The following NDUFS6 variants were observed in gnomAD, a reference collection of about 807,000 sequenced individuals.
The protein encoded by NDUFS6 is NADH dehydrogenase [ubiquinone] iron-sulfur protein 6, mitochondrial.
Under a neutral mutation model 13.2 loss-of-function variants are expected in NDUFS6, and 14 were observed. The observed-to-expected ratio is 1.06, with a 90% CI of 0.70 to 1.66. The LOEUF is 1.66. Among genes scored for constraint, NDUFS6 ranks in the 40% most tolerant of loss-of-function variants. The pLI, the probability that NDUFS6 is intolerant of heterozygous loss-of-function variation, is 0.00. For missense variants in NDUFS6, 206 were observed against 170.8 expected (o/e 1.21, Z -1.15); for synonymous variants, 95 against 72.3 (o/e 1.31, Z -1.60).
chr5:1,814,194 A>G lies in NDUFS6; in HGVS notation c.187-145A>G. 8.2e-7 allele frequency: 1 copy of G among 1,216,612 alleles called. No individual in the cohort carries two copies. Among genetic ancestry groups the G allele is most frequent in the Non-Finnish European group, 1.2e-6 (1 of 837,576 alleles). The allele number at this position is 1,216,612 out of a possible 1,614,324, so 75.4% of individuals were successfully genotyped here. A position where few individuals can be genotyped will look rare whatever the true frequency, so the allele number is the denominator to read the frequency against. On this transcript the variant is annotated intron_variant, in intron 2 of 3. Coordinates refer to ENST00000274137, the MANE Select transcript of NDUFS6 (RefSeq NM_004553.6). The surrounding 1 kb of genome is among the most constrained non-coding windows in gnomAD (Gnocchi z 4.9). Reference sequence around the variant, plus strand: ...AGATGTGTGTGTAGGCCCTGAATTTAATAAGGTCTACAATGATAATAGTTA... The same window carrying G: ...AGATGTGTGTGTAGGCCCTGAATTTGATAAGGTCTACAATGATAATAGTTA...
intron 2 of NDUFS6, among the ~76,000 whole-genome samples, chr5:1,811,559 C>T (rs1173717443): frequency 6.6e-6 from 1 of 152,208 alleles, no homozygotes; most frequent in Non-Finnish European, 1.5e-5. Context: ...CTCTTTTAAT[C>T]TGTAGGTTCC....
At position 1,814,244 on chromosome 5, in the gene NDUFS6, T is replaced by C. The variant is rs1734266398; in HGVS notation, c.187-95T>C. 6.5e-7 allele frequency: 1 copy of C among 1,532,072 alleles called. No homozygotes were observed. 94.9% of individuals were successfully genotyped at this position (1,532,072 alleles called of 1,614,324 possible). On this transcript the variant is annotated intron_variant, in intron 2 of 3. Transcript: ENST00000274137. The surrounding 1 kb of genome is among the most constrained non-coding windows in gnomAD (Gnocchi z 4.9). ...AAATGAAGCATGCACCATAGATTCG[T>C]GCTGATGGTACATGAATTTGTGTGT...
chr5:1,811,503 C>T (rs773012709), intron 2 of NDUFS6, among the ~76,000 whole-genome samples: 3 of 152,138 alleles, frequency 2.0e-5, no homozygotes, highest in Non-Finnish European at 4.4e-5. Context: ...AGTGTGACTC[C>T]GAGCCCAGGT....
chr5:1,811,230 T>C (rs1344785304), intron 2 of NDUFS6, among the ~76,000 whole-genome samples: 1 of 152,196 alleles, frequency 6.6e-6, no homozygotes, highest in African/African-American at 2.4e-5. Flanking sequence ...ATGAGTAAAT[T>C]GTGGGGGAGT....
At chr5:1,810,008 G>A (rs1318329712) in intron 2 of NDUFS6, among the ~76,000 whole-genome samples, 1 of 152,256 alleles carries the variant, frequency 6.6e-6, no homozygotes, top group Non-Finnish European at 1.5e-5. Flanking sequence ...ATCTGTAACT[G>A]ACAGAACCTC....
At chr5:1,811,850 T>G (rs566678776) in intron 2 of NDUFS6, among the ~76,000 whole-genome samples, 1 of 152,240 alleles carries the variant, frequency 6.6e-6, no homozygotes, top group East Asian at 1.9e-4. Context: ...TAAGAGACTT[T>G]GATCATTGTC....
rs192040355 is a variant in NDUFS6, at chr5:1,805,473, A to G, written c.186+3099A>G. ...CTCCTGCCCAGCTTTGACCGGGGGTACCTTCAAAGGAATCCATGGCCCCTG... is the reference window on the plus strand; with the variant it reads ...CTCCTGCCCAGCTTTGACCGGGGGTGCCTTCAAAGGAATCCATGGCCCCTG... On this transcript the variant is annotated intron_variant, in intron 2 of 3. Transcript: ENST00000274137. Among the ~76,000 whole-genome samples the G allele has an allele frequency of 1.5e-3, 236 of 152,376 alleles. 2 individuals are homozygous for G. Among genetic ancestry groups the G allele is most frequent in the African/African-American group, 5.6e-3 (232 of 41,588 alleles).
chr5:1,814,289 A>C lies in NDUFS6; in HGVS notation c.187-50A>C. ...GTGTGTGGTGGGTTAAATTGTATGT[A>C]GTTAGCAAGTTTGTGTATTTGTTTA... On this transcript the variant is annotated intron_variant, in intron 2 of 3. Coordinates refer to ENST00000274137, the MANE Select transcript of NDUFS6 (RefSeq NM_004553.6). This position sits in a 1 kb window ranked among gnomAD's most constrained non-coding sequence, Gnocchi z 4.9. 1 of 1,612,358 alleles carries C rather than the reference A, an allele frequency of 6.2e-7. No homozygotes were observed. Among genetic ancestry groups the C allele is most frequent in the Non-Finnish European group, 8.5e-7 (1 of 1,178,606 alleles).
At chr5:1,810,722 C>T (rs1734205425) in intron 2 of NDUFS6, among the ~76,000 whole-genome samples, 1 of 152,142 alleles carries the variant, frequency 6.6e-6, no homozygotes, top group South Asian at 2.1e-4. Context: ...CTCAGCTCCT[C>T]TAATGGTTGT....
At chr5:1,812,732 A>G (rs1734237919) in intron 2 of NDUFS6, among the ~76,000 whole-genome samples, 1 of 151,492 alleles carries the variant, frequency 6.6e-6, no homozygotes, top group South Asian at 2.1e-4. Flanking sequence ...CCCTGAGTTA[A>G]TCATGGTCCT....
At chr5:1,804,898 A>G (rs188526904) in intron 2 of NDUFS6, among the ~76,000 whole-genome samples, 32 of 152,298 alleles carry the variant, frequency 2.1e-4, no homozygotes, top group African/African-American at 7.5e-4. Flanking sequence ...GTGTAATGAC[A>G]TGTATTCACT....
intron 3 of NDUFS6, among the ~76,000 whole-genome samples, chr5:1,815,566 C>T (rs537204909): frequency 5.3e-5 from 8 of 152,292 alleles, no homozygotes; most frequent in South Asian, 4.1e-4. Context: ...CAGCACCCAC[C>T]GCCTGCTCCA....
rs530874978 is a variant in NDUFS6 at position 1,806,509 on chromosome 5, C to T, written c.186+4135C>T. On this transcript the variant is annotated intron_variant, in intron 2 of 3. Coordinates refer to ENST00000274137, the MANE Select transcript of NDUFS6 (RefSeq NM_004553.6). ...GTGCCACCAGGATTAGGAGCAGTTG[C>T]ACGCGGTGCAAATGTCTACCTGGCG... 3.3e-5 allele frequency among the ~76,000 whole-genome samples: 5 copies of T among 152,336 alleles called. No individual in the cohort carries two copies. In the South Asian group the frequency reaches 1.0e-3, roughly 32 times the overall value.
At chr5:1,806,200 G>A (rs572624399) in intron 2 of NDUFS6, among the ~76,000 whole-genome samples, 1 of 152,230 alleles carries the variant, frequency 6.6e-6, no homozygotes, top group Non-Finnish European at 1.5e-5. Context: ...CCTTGAGTGC[G>A]ACTCTGTGCC....
Position 1,814,543 on chromosome 5 carries a change from C to T in NDUFS6, c.309+82C>T, listed in dbSNP as rs1734273439. ...CCTTCACTCCCAGTGCCTGTTCTTTCTGTCCTCTTCTCTACCTGCTCCCGA... is the reference window on the plus strand; with the variant it reads ...CCTTCACTCCCAGTGCCTGTTCTTTTTGTCCTCTTCTCTACCTGCTCCCGA... On this transcript the variant is annotated intron_variant, in intron 3 of 3. Coordinates refer to ENST00000274137, the MANE Select transcript of NDUFS6 (RefSeq NM_004553.6). The surrounding 1 kb of genome is among the most constrained non-coding windows in gnomAD (Gnocchi z 4.9). 15 of 1,602,402 alleles carry T rather than the reference C, an allele frequency of 9.4e-6. No homozygotes were observed. The highest frequency in any genetic ancestry group is 1.3e-5 in the Non-Finnish European group (15 of 1,172,644).
Position 1,814,264 on chromosome 5 carries a change from G to T in NDUFS6, c.187-75G>T. 11 of 1,570,812 alleles carry T rather than the reference G, an allele frequency of 7.0e-6. No individual in the cohort carries two copies. The highest frequency in any genetic ancestry group is 1.4e-5 in the African/African-American group (1 of 71,828). On this transcript the variant is annotated intron_variant, in intron 2 of 3. Coordinates refer to ENST00000274137, the MANE Select transcript of NDUFS6 (RefSeq NM_004553.6). The surrounding 1 kb of genome is among the most constrained non-coding windows in gnomAD (Gnocchi z 4.9). ...ATTCGTGCTGATGGTACATGAATTT[G>T]TGTGTGGTGGGTTAAATTGTATGTA...
intron 1 of NDUFS6, among the ~76,000 whole-genome samples, chr5:1,801,984 C>G (rs1734052626): frequency 6.6e-6 from 1 of 152,178 alleles, no homozygotes; most frequent in African/African-American, 2.4e-5. Context: ...GGAATGTGCC[C>G]TAGTAGATTT....
At position 1,802,337 on chromosome 5, in the gene NDUFS6, A is replaced by G. The variant is rs774824669; in HGVS notation, c.149A>G (p.Asp50Gly). Residue 50 changes from aspartate (D) to glycine (G), a missense_variant, in exon 2 of 4, where the codon GAC (aspartate) becomes GGC (glycine). Asp to Gly is a moderately conservative substitution (Grantham distance 94, BLOSUM62 -1). Coordinates refer to ENST00000274137, the MANE Select transcript of NDUFS6 (RefSeq NM_004553.6). ...TTTTTCCAGGTTTATGATGATAAAG[A>G]CTACAGGAGAATTCGGTTTGTAGGT... Reference protein sequence around the residue: ...THTGQVYDDKDYRRIRFVGRQ... With the variant: ...THTGQVYDDKGYRRIRFVGRQ... 6 of 1,614,130 alleles carry G rather than the reference A, an allele frequency of 3.7e-6. No homozygotes were observed. In the South Asian group the frequency reaches 5.5e-5, roughly 15 times the overall value.
Position 1,810,312 on chromosome 5 carries a change from C to A in NDUFS6, c.187-4027C>A, listed in dbSNP as rs1221984976. 3.9e-5 allele frequency among the ~76,000 whole-genome samples: 6 copies of A among 152,182 alleles called. No individual in the cohort carries two copies. In the East Asian group the frequency reaches 9.6e-4, roughly 24 times the overall value. The stretch of plus-strand genomic sequence containing the variant: ...CTCCAGGAGGGGACATGCAGGTAGA[C>A]CCACATCCCTGGGCTTAGAGGCCTG... On this transcript the variant is annotated intron_variant, in intron 2 of 3. Coordinates refer to ENST00000274137, the MANE Select transcript of NDUFS6 (RefSeq NM_004553.6).
Sources: gnomAD v4.1 joint callset for allele counts (sites outside exome capture counted in the v4.1 genomes callset) on GRCh38, gnomAD v4.1.1 for gene constraint, Gnocchi (gnomAD v3.1) non-coding constraint, MANE v1.5 for transcripts, NCBI Gene and HGNC (gene_info 2026-07-23, HGNC 2026-07-21) for gene names.